Variants in PKHD1 observed in about 807,000 individuals in gnomAD.
PKHD1 encodes PKHD1 ciliary IPT domain containing fibrocystin/polyductin.
Under a neutral mutation model 412.0 loss-of-function variants are expected in PKHD1, and 291 were observed. That is an observed-to-expected ratio of 0.71 (90% confidence interval 0.64 to 0.78). The LOEUF (loss-of-function observed/expected upper bound fraction) is 0.78, where lower values mean the gene tolerates loss of function less well. Ranked by LOEUF, PKHD1 falls within the 30% of genes least tolerant of loss-of-function variation. The pLI is 0.00. For missense variants in PKHD1, 4,825 were observed against 4,950.7 expected (o/e 0.97, Z 0.76); for synonymous variants, 1,777 against 1,821.5 (o/e 0.98, Z 0.62).
chr6:51,901,908 T>G (rs1399043643), intron 43 of PKHD1, among the ~76,000 whole-genome samples: 2 of 152,260 alleles, frequency 1.3e-5, no homozygotes, highest in South Asian at 2.1e-4. Context: ...CAGACTCAAT[T>G]TTTCCATTGC....
intron 50 of PKHD1, among the ~76,000 whole-genome samples, chr6:51,840,516 A>G (rs1329555700): frequency 6.6e-6 from 1 of 152,156 alleles, no homozygotes; most frequent in East Asian, 1.9e-4. Flanking sequence ...GAGAAGAATA[A>G]CAATTGTTAT....
chr6:51,965,928 C>A (rs905636094), intron 35 of PKHD1, among the ~76,000 whole-genome samples: 3 of 152,064 alleles, frequency 2.0e-5, no homozygotes, highest in Admixed American at 2.0e-4. Context: ...ATCTTCAAAT[C>A]TCCTCTAATA....
At chr6:51,880,928 T>A (rs1326650843) in intron 46 of PKHD1, among the ~76,000 whole-genome samples, 1 of 147,956 alleles carries the variant, frequency 6.8e-6, no homozygotes, top group Non-Finnish European at 1.5e-5. Context: ...ATCGCGCCAC[T>A]GCACTCCAGC....
At chr6:51,914,958 G>C (rs1243973270) in intron 37 of PKHD1, among the ~76,000 whole-genome samples, 1 of 152,120 alleles carries the variant, frequency 6.6e-6, no homozygotes, top group Non-Finnish European at 1.5e-5. Context: ...GTAGTGATCA[G>C]TGACATCGTT....
Position 51,659,219 on chromosome 6 carries a change from T to C in PKHD1, c.10907A>G (p.Gln3636Arg), listed in dbSNP as rs1295672080. The C allele has an allele frequency of 6.2e-7, 1 of 1,613,736 alleles. No homozygotes were observed. Among genetic ancestry groups the C allele is most frequent in the Non-Finnish European group, 8.5e-7 (1 of 1,179,892 alleles). ...TCTSHYRRVG[Q>R]RRPLMMEMNS... The stretch of plus-strand genomic sequence containing the variant: ...CATTTCCATCATGAGAGGCCTACGT[T>C]GACCAACTCTTCTATAATGACTAGT... Residue 3636 changes from glutamine (Q) to arginine (R), a missense_variant, in exon 61 of 67, where the codon CAA (glutamine) becomes CGA (arginine). By Grantham distance (43) the Gln-to-Arg change is conservative. Transcript: ENST00000371117.
intron 60 of PKHD1, among the ~76,000 whole-genome samples, chr6:51,676,450 T>C (rs1366682909): frequency 6.6e-6 from 1 of 152,096 alleles, no homozygotes; most frequent in Non-Finnish European, 1.5e-5. Context: ...ACACCACCAT[T>C]TCCCTCAATA....
chr6:51,796,519 T>C (rs923043619), intron 52 of PKHD1, among the ~76,000 whole-genome samples: 1 of 152,120 alleles, frequency 6.6e-6, no homozygotes, highest in Non-Finnish European at 1.5e-5. Flanking sequence ...AGATCTTGGT[T>C]ATTTCTTGTC....
At chr6:51,752,260 C>T (rs867880765) in intron 57 of PKHD1, among the ~76,000 whole-genome samples, 1 of 152,152 alleles carries the variant, frequency 6.6e-6, no homozygotes, top group Non-Finnish European at 1.5e-5. Flanking sequence ...GCCAGATACT[C>T]CTTTCCTATG....
chr6:52,030,440 G>T (rs553688045), intron 29 of PKHD1, among the ~76,000 whole-genome samples: 1 of 152,248 alleles, frequency 6.6e-6, no homozygotes. Context: ...TCTCTTGACC[G>T]CATGTCTTCC....
chr6:51,659,660 T>G lies in PKHD1; in HGVS notation c.10466A>C (p.Lys3489Thr). The G allele has an allele frequency of 6.2e-7, 1 of 1,613,772 alleles. No individual in the cohort carries two copies. The highest frequency in any genetic ancestry group is 8.5e-7 in the Non-Finnish European group (1 of 1,179,850). ...AGCCAAGAGAAGCTTGGAGGTACTT[T>G]TGTTCCCCAATAGAAAAAAGCGCAA... The part of the protein sequence containing the change: ...QVLRFFLLGN[K>T]STSKLLLAVF... Residue 3489 changes from lysine (K) to threonine (T), a missense_variant, in exon 61 of 67, where the codon AAA becomes ACA. Lys to Thr is a moderately conservative substitution (Grantham distance 78). Coordinates refer to ENST00000371117, the MANE Select transcript of PKHD1 (RefSeq NM_138694.4).
intron 36 of PKHD1, among the ~76,000 whole-genome samples, chr6:51,936,409 T>C (rs986497015): frequency 6.6e-6 from 1 of 152,186 alleles, no homozygotes; most frequent in African/African-American, 2.4e-5. Context: ...TGGTGAGATG[T>C]AGTGGAGGGC....
chr6:51,896,500 A>G (rs1360971966), intron 43 of PKHD1, among the ~76,000 whole-genome samples: 14 of 152,060 alleles, frequency 9.2e-5, no homozygotes, highest in African/African-American at 2.7e-4. Context: ...CATCCACACC[A>G]AAAACCCATC....
intron 37 of PKHD1, among the ~76,000 whole-genome samples, chr6:51,920,860 T>A (rs990677266): frequency 2.6e-5 from 4 of 152,182 alleles, no homozygotes; most frequent in African/African-American, 9.7e-5. Flanking sequence ...GGAGGGTGTA[T>A]GTGTCCAGGA....
chr6:51,785,775 A>G (rs1792754470), intron 53 of PKHD1, among the ~76,000 whole-genome samples: 1 of 152,096 alleles, frequency 6.6e-6, no homozygotes, highest in Non-Finnish European at 1.5e-5. Context: ...CAAAATTTCT[A>G]TCCACAAAAT....
intron 19 of PKHD1, among the ~76,000 whole-genome samples, chr6:52,055,340 C>G (rs927303205): frequency 6.6e-6 from 1 of 152,196 alleles, no homozygotes; most frequent in African/African-American, 2.4e-5. Context: ...AATATTGTAG[C>G]AAATAAAAAC....
rs150483867 is a variant in PKHD1 at position 52,051,161 on chromosome 6, C to T, written c.2141-866G>A. On this transcript the variant is annotated intron_variant, in intron 21 of 66. Coordinates refer to ENST00000371117, the MANE Select transcript of PKHD1 (RefSeq NM_138694.4). The stretch of plus-strand genomic sequence containing the variant: ...TCGAGGGTCAGTGATCATTAGATTC[C>T]GATCTCCTCCACAGCTCCGCTGTGT... Among the ~76,000 whole-genome samples the T allele has an allele frequency of 3.7e-4, 57 of 152,286 alleles. 1 individual carries two copies. In the East Asian group the frequency reaches 6.8e-3, roughly 18 times the overall value.
intron 60 of PKHD1, chr6:51,722,149 C>G: frequency 2.0e-6 from 3 of 1,503,772 alleles, no homozygotes; most frequent in Admixed American, 3.7e-5. Flanking sequence ...TTGTAATATC[C>G]GAGCTCTTTA....
chr6:51,792,127 C>T (rs551558141), intron 52 of PKHD1, among the ~76,000 whole-genome samples: 5 of 152,244 alleles, frequency 3.3e-5, no homozygotes, highest in African/African-American at 1.2e-4. Flanking sequence ...AAGCAGTCTT[C>T]ATATAACTTC....
chr6:51,903,757 C>T (rs1781635786), intron 42 of PKHD1, 30 bp from the exon 43 acceptor site: 1 of 1,593,742 alleles, frequency 6.3e-7, no homozygotes, highest in African/African-American at 1.4e-5. Context: ...AGGGGATCCA[C>T]AAACATAATT....
Sources: gnomAD v4.1 joint callset for allele counts (sites outside exome capture counted in the v4.1 genomes callset) on GRCh38, gnomAD v4.1.1 for gene constraint, MANE v1.5 for transcripts, NCBI Gene and HGNC (gene_info 2026-07-23, HGNC 2026-07-21) for gene names.